The following GSPT1 variants were observed in gnomAD, a reference collection of about 807,000 sequenced individuals.
The protein encoded by GSPT1 is eukaryotic peptide chain release factor GTP-binding subunit ERF3A.
Under a neutral mutation model 72.5 loss-of-function variants are expected in GSPT1, and 20 were observed. The ratio of observed to expected loss-of-function variants is 0.28; its 90% CI spans 0.19 to 0.40. The LOEUF is 0.40. GSPT1 is among the 10% of genes least tolerant of loss of function. The probability of loss-of-function intolerance (pLI) is 1.00; values close to 1 mark genes in which losing one functional copy is unlikely to be tolerated. For missense variants in GSPT1, 580 were observed against 811.9 expected (o/e 0.71, Z 3.47); for synonymous variants, 334 against 293.5 (o/e 1.14, Z -1.41).
chr16:11,899,454 A>G (rs1224389015), intron 1 of GSPT1, among the ~76,000 whole-genome samples: 1 of 152,144 alleles, frequency 6.6e-6, no homozygotes, highest in Non-Finnish European at 1.5e-5. Flanking sequence ...CCACTGCAAG[A>G]AAGCATGCCA....
chr16:11,904,654 A>G (rs1240877660), intron 1 of GSPT1, among the ~76,000 whole-genome samples: 1 of 152,056 alleles, frequency 6.6e-6, no homozygotes. Flanking sequence ...CACAGACATC[A>G]TGGCAGGTAA....
rs764082638 is a variant in GSPT1, at chr16:11,896,748, T to C, written c.474A>G (p.Ser158=). 1.9e-6 allele frequency: 3 copies of C among 1,597,588 alleles called. No homozygotes were observed. The highest frequency in any genetic ancestry group is 2.3e-5 in the South Asian group (2 of 88,402). ...NGETEMSPEE[S]WEHKEEISEA... is the part of the protein sequence containing the mutation. ...CACTTATTTCTTCTTTGTGCTCCCA[T>C]GATTCTTCTGGAGACATTTCTGTCT... The change falls in exon 4 of 15, where the codon TCA becomes TCG. Residue 158 remains serine, a synonymous_variant. Coordinates refer to ENST00000434724, the MANE Select transcript of GSPT1 (RefSeq NM_002094.4).
rs1256257842 is a variant in GSPT1 at position 11,892,525 on chromosome 16, A to AAAAAC, written c.699-1387_699-1386insGTTTT. Among the ~76,000 whole-genome samples, 130 of 141,914 alleles carry AAAAAC rather than the reference A, an allele frequency of 9.2e-4. 1 individual carries two copies. The highest frequency in any genetic ancestry group is 3.5e-3 in the Middle Eastern group (1 of 286). The allele number at this position is 141,914 out of a possible 152,430, so 93.1% of individuals were successfully genotyped here. A position where few individuals can be genotyped will look rare whatever the true frequency, so the allele number is the denominator to read the frequency against. ...CTTTCTCAAAAAAACAAAAAAAACA[A>AAAAAC]AAAAAACAAAAAATAAAAAATGGCC... is the stretch of plus-strand genomic sequence containing the variant. On this transcript the variant is annotated intron_variant, in intron 5 of 14. Coordinates refer to ENST00000434724, the MANE Select transcript of GSPT1 (RefSeq NM_002094.4).
At chr16:11,915,094 C>A in intron 1 of GSPT1, 1 of 1,289,596 alleles carries the variant, frequency 7.8e-7, no homozygotes, top group Non-Finnish European at 1.0e-6. Context: ...TGGGTAACTG[C>A]GGACTCCAGA....
At chr16:11,881,423 C>G (rs548919264) in intron 11 of GSPT1, 1 of 152,236 alleles carries the variant, frequency 6.6e-6, no homozygotes, top group South Asian at 2.1e-4. Context: ...TTTAGAGAAT[C>G]ATACTTTTTT....
chr16:11,913,950 T>G (rs2054592478), intron 1 of GSPT1, among the ~76,000 whole-genome samples: 1 of 152,198 alleles, frequency 6.6e-6, no homozygotes, highest in Non-Finnish European at 1.5e-5. Context: ...AGAGTGTTTC[T>G]CCAGACACTA....
intron 5 of GSPT1, among the ~76,000 whole-genome samples, chr16:11,891,483 T>C (rs2054260328): frequency 1.3e-5 from 2 of 151,354 alleles, no homozygotes. Context: ...TGCCTCAGCC[T>C]CCTGAGTAGC....
In GSPT1 at chr16:11,915,819, C is replaced by A; in HGVS notation, c.-99G>T. On this transcript the variant is annotated 5_prime_UTR_variant, in exon 1 of 15. Coordinates refer to ENST00000434724, the MANE Select transcript of GSPT1 (RefSeq NM_002094.4). ...GGCAACGCTGACTGAGGGAAGGCGGCGGGGCAGAAGGGCCGGGAGCTAGCG... is the reference window on the plus strand; with the variant it reads ...GGCAACGCTGACTGAGGGAAGGCGGAGGGGCAGAAGGGCCGGGAGCTAGCG... 6.4e-7 allele frequency: 1 copy of A among 1,551,008 alleles called. No individual in the cohort carries two copies. The highest frequency in any genetic ancestry group is 8.7e-7 in the Non-Finnish European group (1 of 1,143,328).
At chr16:11,884,182 A>G (rs751546201) in intron 10 of GSPT1, among the ~76,000 whole-genome samples, 2 of 152,278 alleles carry the variant, frequency 1.3e-5, no homozygotes, top group Non-Finnish European at 2.9e-5. Flanking sequence ...TTTTTTTAAG[A>G]CGAACATCCA....
At chr16:11,903,682 C>T (rs2054446733) in intron 1 of GSPT1, among the ~76,000 whole-genome samples, 1 of 152,088 alleles carries the variant, frequency 6.6e-6, no homozygotes, top group South Asian at 2.1e-4. Flanking sequence ...CGGTGTGAGA[C>T]CCTGTCTCCA....
intron 9 of GSPT1, 150 bp from the exon 10 acceptor site, chr16:11,885,424 A>T: frequency 1.7e-6 from 1 of 585,176 alleles, no homozygotes; most frequent in Non-Finnish European, 3.1e-6. Flanking sequence ...CATCTCACTT[A>T]TTCCACAGAA....
rs1406026738 is a variant in GSPT1 at position 11,886,567 on chromosome 16, A to G, written c.1157T>C (p.Val386Ala). 6.2e-7 allele frequency: 1 copy of G among 1,612,256 alleles called. No individual in the cohort carries two copies. The change falls in exon 9 of 15, where the codon GTT becomes GCT. Residue 386 changes from valine to alanine, a missense_variant. This residue lies in a region of GSPT1 where 34 missense variants were observed against 62.0 expected (regional missense o/e 0.55). Transcript: ENST00000434724. ...AATGTCCTTTTTGGGATTGAAGCCA[A>G]CTTTTTTCAAAAATGGCACTAGTTT... ...KEKLVPFLKK[V>A]GFNPKKDIHF...
At chr16:11,876,313 G>A (rs1353513669) in intron 12 of GSPT1, 138 bp from the exon 13 acceptor site, 3 of 674,242 alleles carry the variant, frequency 4.4e-6, no homozygotes, top group East Asian at 5.1e-5. Context: ...TTGTGTTAGA[G>A]GTGATAGGTT....
At chr16:11,914,612 T>A (rs1350449877) in intron 1 of GSPT1, among the ~76,000 whole-genome samples, 2 of 152,180 alleles carry the variant, frequency 1.3e-5, no homozygotes, top group South Asian at 2.1e-4. Flanking sequence ...TTTACAGCAA[T>A]GAAAATTCTC....
intron 6 of GSPT1, among the ~76,000 whole-genome samples, chr16:11,889,485 C>G (rs1167510030): frequency 6.7e-6 from 1 of 149,968 alleles, no homozygotes; most frequent in African/African-American, 2.5e-5. Flanking sequence ...TTACAGGTGC[C>G]CACCACCACG....
At chr16:11,889,913 T>A (rs1182017837) in intron 6 of GSPT1, among the ~76,000 whole-genome samples, 1 of 152,016 alleles carries the variant, frequency 6.6e-6, no homozygotes, top group Admixed American at 6.6e-5. Context: ...AGTGCTGAGA[T>A]TACAGGCTTG....
At chr16:11,901,005 C>G (rs1448874378) in intron 1 of GSPT1, among the ~76,000 whole-genome samples, 1 of 150,658 alleles carries the variant, frequency 6.6e-6, no homozygotes, top group Non-Finnish European at 1.5e-5. Context: ...AAAAGAAAAA[C>G]AAAAAACAAA....
chr16:11,883,459 C>CGAA (rs1555504034), intron 10 of GSPT1, among the ~76,000 whole-genome samples: 1 of 66,466 alleles, frequency 1.5e-5, no homozygotes, highest in African/African-American at 5.6e-5. Context: ...ACTAAAAATA[C>CGAA]AAAAAAAAAA....
intron 1 of GSPT1, among the ~76,000 whole-genome samples, chr16:11,904,892 C>A (rs456681): frequency 6.6e-6 from 1 of 152,134 alleles, no homozygotes; most frequent in African/African-American, 2.4e-5. Context: ...TGAGACCAGC[C>A]TGGGAAACAC....
Sources: gnomAD v4.1 joint callset for allele counts (sites outside exome capture counted in the v4.1 genomes callset) on GRCh38, gnomAD v4.1.1 for gene constraint, gnomAD v4.1.1 regional missense constraint, MANE v1.5 for transcripts, NCBI Gene and HGNC (gene_info 2026-07-23, HGNC 2026-07-21) for gene names.